Variants in SLC25A42 observed in about 807,000 individuals in gnomAD.
SLC25A42 encodes the protein solute carrier family 25 member 42, also known as mitochondrial coenzyme A transporter SLC25A42.
A neutral mutation model predicts 34.7 loss-of-function variants in SLC25A42; 19 were observed. That is an observed-to-expected ratio of 0.55 (90% CI 0.38 to 0.80). The LOEUF is 0.80. Among genes scored for constraint, SLC25A42 ranks in the 30% least tolerant of loss-of-function variants. The pLI is 0.00. For synonymous variants in SLC25A42, 205 were observed against 191.2 expected (o/e 1.07, Z -0.59); for missense variants, 364 against 441.3 (o/e 0.82, Z 1.57).
At position 19,103,251 on chromosome 19, in the gene SLC25A42, G is replaced by A. The variant is rs1203407077; in HGVS notation, c.187+1365G>A. 7.2e-5 allele frequency among the ~76,000 whole-genome samples: 11 copies of A among 151,934 alleles called. No homozygotes were observed. In the South Asian group the frequency reaches 1.0e-3, roughly 14 times the overall value. ...TGGGACAACAGGCACGCACCACCAC[G>A]CCTGGCTAATTTTTTTGTATTTTTA... On this transcript the variant is annotated intron_variant, in intron 3 of 7. Coordinates refer to ENST00000318596, the MANE Select transcript of SLC25A42 (RefSeq NM_178526.5).
chr19:19,107,843 C>A, intron 6 of SLC25A42, 51 bp from the exon 7 acceptor site: 1 of 1,609,726 alleles, frequency 6.2e-7, no homozygotes, highest in Non-Finnish European at 8.5e-7. Context: ...TGGCTCCTCC[C>A]TGTGCCTGGG....
Position 19,105,030 on chromosome 19 carries a change from CAG to C in SLC25A42, c.213+93_213+94del, listed in dbSNP as rs2059818596. ...TAGGCAGGTGGTCTGAGGAGAGTCT[CAG>C]GGGTGGGGACAGGACTACCTGTCTT... is the stretch of plus-strand genomic sequence containing the variant. On this transcript the variant is annotated intron_variant, in intron 4 of 7. Coordinates refer to ENST00000318596, the MANE Select transcript of SLC25A42 (RefSeq NM_178526.5). The C allele has an allele frequency of 4.1e-6, 6 of 1,468,228 alleles. No homozygotes were observed. The African/African-American group carries it at 5.6e-5, about 14-fold the overall frequency. 91.0% of individuals were successfully genotyped at this position (1,468,228 alleles called of 1,614,324 possible).
Position 19,109,624 on chromosome 19 carries a change from G to A in SLC25A42, c.650-945G>A, listed in dbSNP as rs1322047122. 6.6e-6 allele frequency among the ~76,000 whole-genome samples: 1 copy of A among 152,124 alleles called. No homozygotes were observed. Among genetic ancestry groups the A allele is most frequent in the African/African-American group, 2.4e-5 (1 of 41,408 alleles). Reference sequence around the variant, plus strand: ...TTTTGTGTGTTTTTGGTAGAGACAGGGTTTCTCCATGTTGGCCAGGCTGGT... The same window carrying A: ...TTTTGTGTGTTTTTGGTAGAGACAGAGTTTCTCCATGTTGGCCAGGCTGGT... On this transcript the variant is annotated intron_variant, in intron 7 of 7. Coordinates refer to ENST00000318596, the MANE Select transcript of SLC25A42 (RefSeq NM_178526.5). This position sits in a 1 kb window ranked among gnomAD's most constrained non-coding sequence, Gnocchi z 4.1.
chr19:19,068,065 A>G (rs2059611192), intron 1 of SLC25A42, among the ~76,000 whole-genome samples: 1 of 152,122 alleles, frequency 6.6e-6, no homozygotes, highest in Non-Finnish European at 1.5e-5. Context: ...TCTTCATAAA[A>G]AGTATATTGG....
At chr19:19,077,847 A>G (rs1477148148) in intron 1 of SLC25A42, among the ~76,000 whole-genome samples, 1 of 152,170 alleles carries the variant, frequency 6.6e-6, no homozygotes, top group Non-Finnish European at 1.5e-5. Context: ...AGATCGTGCC[A>G]TTGCACTCCA....
chr19:19,069,850 AG>A (rs2059620165), intron 1 of SLC25A42, among the ~76,000 whole-genome samples: 1 of 150,196 alleles, frequency 6.7e-6, no homozygotes, highest in Non-Finnish European at 1.5e-5. Context: ...TTTTGAGACA[AG>A]CTCTTGCTCT....
intron 3 of SLC25A42, among the ~76,000 whole-genome samples, chr19:19,102,162 C>T (rs1599686468): frequency 6.6e-6 from 1 of 152,074 alleles, no homozygotes. Flanking sequence ...GCATGCGCCA[C>T]CATGCCCGGC....
intron 2 of SLC25A42, among the ~76,000 whole-genome samples, chr19:19,097,224 C>A (rs1185479364): frequency 6.6e-6 from 1 of 152,188 alleles, no homozygotes; most frequent in African/African-American, 2.4e-5. Flanking sequence ...TTTCAAAGTC[C>A]ATGGGGTCAA....
At chr19:19,078,051 A>G (rs1476340075) in intron 1 of SLC25A42, among the ~76,000 whole-genome samples, 1 of 151,930 alleles carries the variant, frequency 6.6e-6, no homozygotes, top group Non-Finnish European at 1.5e-5. Context: ...CCATTCTCCT[A>G]TGGGTGGTCT....
chr19:19,106,430 T>A (rs368260063), intron 6 of SLC25A42, 45 bp downstream of exon 6: 46 of 1,490,824 alleles, frequency 3.1e-5, no homozygotes, highest in Non-Finnish European at 4.0e-5. Context: ...GGGGGCTCTG[T>A]GTCTCGGGGG....
intron 1 of SLC25A42, among the ~76,000 whole-genome samples, chr19:19,092,051 G>A (rs569873472): frequency 1.3e-5 from 2 of 152,262 alleles, no homozygotes; most frequent in East Asian, 1.9e-4. Context: ...ACAGAAGCAG[G>A]CCGCTCTTGT....
At chr19:19,098,949 AG>A (rs1490811074) in intron 2 of SLC25A42, among the ~76,000 whole-genome samples, 3 of 152,210 alleles carry the variant, frequency 2.0e-5, no homozygotes, top group African/African-American at 7.2e-5. Context: ...ACAAACTGAT[AG>A]GAGGTAACCA....
At chr19:19,092,900 T>C (rs757220) in intron 1 of SLC25A42, among the ~76,000 whole-genome samples, 124,664 of 152,044 alleles carry the variant, frequency 0.82, 51,238 homozygotes, top group East Asian at 0.91. Context: ...CTGATTGTTG[T>C]GGGGGGCGGA....
At chr19:19,088,202 ATTTTTTTT>A (rs10706701) in intron 1 of SLC25A42, among the ~76,000 whole-genome samples, 1 of 96,746 alleles carries the variant, frequency 1.0e-5, no homozygotes, top group African/African-American at 4.0e-5. Context: ...CTGATCTTCA[ATTTTTTTT>A]TTTTTTTTTT....
chr19:19,100,166 A>C (rs1012512132), intron 2 of SLC25A42, among the ~76,000 whole-genome samples: 24 of 151,480 alleles, frequency 1.6e-4, no homozygotes, highest in Non-Finnish European at 1.9e-4. Flanking sequence ...ACATGGCGAA[A>C]CCTCATTTCT....
chr19:19,106,239 C>T lies in SLC25A42; in HGVS notation c.381-30C>T, dbSNP rs189279405. On this transcript the variant is annotated intron_variant, in intron 5 of 7. Coordinates refer to ENST00000318596, the MANE Select transcript of SLC25A42 (RefSeq NM_178526.5). ...TGTGCATCTGCAACCCCCTCACTGCCGTCTCGCCTTCTCCTCCTGCCCTGT... is the reference window on the plus strand; with the variant it reads ...TGTGCATCTGCAACCCCCTCACTGCTGTCTCGCCTTCTCCTCCTGCCCTGT... 7,112 of 1,582,178 alleles carry T rather than the reference C, an allele frequency of 4.5e-3. 31 individuals are homozygous for T. The highest frequency in any genetic ancestry group is 0.02 in the Middle Eastern group (108 of 5,322).
Position 19,101,664 on chromosome 19 carries a change from G to C in SLC25A42, c.82-117G>C, listed in dbSNP as rs2145920364. 3.6e-6 allele frequency: 3 copies of C among 841,610 alleles called. 1 individual carries two copies. The highest frequency in any genetic ancestry group is 3.5e-5 in the South Asian group (2 of 57,674). The allele number at this position is 841,610 out of a possible 1,614,324, so 52.1% of individuals were successfully genotyped here. On this transcript the variant is annotated intron_variant, in intron 2 of 7. Transcript: ENST00000318596. ...AACCAAGCAAGGCCAACATACTCAG[G>C]GTGGGGTACATCCCTCGGCCCCGGC...
At chr19:19,105,913 TG>T (rs758777237) in intron 5 of SLC25A42, 186 bp downstream of exon 5, 1 of 596,534 alleles carries the variant, frequency 1.7e-6, no homozygotes, top group Non-Finnish European at 2.9e-6. Flanking sequence ...CTCTGTCACA[TG>T]CCCTATTCTG....
At chr19:19,105,347 G>C (rs1322477144) in intron 4 of SLC25A42, 8 of 622,132 alleles carry the variant, frequency 1.3e-5, no homozygotes, top group Non-Finnish European at 2.2e-5. Context: ...GGGAGGCCCA[G>C]AAAACATAGG....
Sources: gnomAD v4.1 joint callset for allele counts (sites outside exome capture counted in the v4.1 genomes callset) on GRCh38, gnomAD v4.1.1 for gene constraint, Gnocchi (gnomAD v3.1) non-coding constraint, MANE v1.5 for transcripts, NCBI Gene and HGNC (gene_info 2026-07-23, HGNC 2026-07-21) for gene names.